The following GRIK2 variants were observed in gnomAD, a reference collection of about 807,000 sequenced individuals.
GRIK2 encodes the protein glutamate receptor ionotropic, kainate 2.
In GRIK2, 32 loss-of-function variants were observed where a neutral mutation model predicts 100.3. The observed-to-expected ratio is 0.32, with a 90% CI of 0.24 to 0.43. The LOEUF (loss-of-function observed/expected upper bound fraction) is 0.43. Among genes scored for constraint, GRIK2 ranks in the 20% least tolerant of loss-of-function variants. The pLI, the probability that GRIK2 is intolerant of heterozygous loss-of-function variation, is 1.00. For synonymous variants in GRIK2, 417 were observed against 389.4 expected, an observed-to-expected ratio of 1.07 and a Z score of -0.83; for missense variants, 843 against 1,114.9, an observed-to-expected ratio of 0.76 and a Z score of 3.47.
At chr6:101,834,317 T>C (rs1412952043) in intron 10 of GRIK2, among the ~76,000 whole-genome samples, 1 of 152,156 alleles carries the variant, frequency 6.6e-6, no homozygotes, top group Non-Finnish European at 1.5e-5. Context: ...TTTAGCCATT[T>C]TCTTCCTTCC....
At chr6:101,654,752 T>A (rs1275700144) in intron 4 of GRIK2, among the ~76,000 whole-genome samples, 1 of 152,130 alleles carries the variant, frequency 6.6e-6, no homozygotes, top group Non-Finnish European at 1.5e-5. Flanking sequence ...CCTGGGTTAT[T>A]GTTCCACTTT....
At chr6:101,495,315 C>T (rs1773381197) in intron 2 of GRIK2, among the ~76,000 whole-genome samples, 1 of 151,880 alleles carries the variant, frequency 6.6e-6, no homozygotes, top group African/African-American at 2.4e-5. Context: ...ACCATCCTGG[C>T]TAACATGGTG....
chr6:101,895,241 T>C (rs952004278), intron 12 of GRIK2, among the ~76,000 whole-genome samples: 2 of 151,736 alleles, frequency 1.3e-5, no homozygotes, highest in Non-Finnish European at 3.0e-5. Context: ...GTTAAAAGAA[T>C]ATAGGAATTT....
chr6:102,007,864 A>G (rs982979629), intron 14 of GRIK2, among the ~76,000 whole-genome samples: 2 of 152,046 alleles, frequency 1.3e-5, no homozygotes, highest in Admixed American at 6.6e-5. Context: ...GAATACCTCT[A>G]TCCTTCCTAA....
rs992370039 is a variant in GRIK2, at chr6:102,069,126, T to G, written c.*615T>G. On this transcript the variant is annotated 3_prime_UTR_variant, in exon 17 of 17. Coordinates refer to ENST00000369134, the MANE Select transcript of GRIK2 (RefSeq NM_021956.5). ...GATGTTCATCACTTATTTTCCTTTT[T>G]TCTTTTCTTATTTTTTTTTTTGACA... The G allele has an allele frequency of 6.7e-6, 1 of 150,134 alleles. No individual in the cohort carries two copies. The highest frequency in any genetic ancestry group is 1.5e-5 in the Non-Finnish European group (1 of 67,682). 9.3% of individuals were successfully genotyped at this position (150,134 alleles called of 1,614,324 possible).
intron 3 of GRIK2, among the ~76,000 whole-genome samples, chr6:101,622,870 G>A (rs1780229718): frequency 6.6e-6 from 1 of 151,972 alleles, no homozygotes; most frequent in South Asian, 2.1e-4. Context: ...TAACCAGACA[G>A]CTGTCAGTAG....
intron 2 of GRIK2, among the ~76,000 whole-genome samples, chr6:101,555,254 A>G (rs1264091273): frequency 6.6e-6 from 1 of 152,184 alleles, no homozygotes; most frequent in Non-Finnish European, 1.5e-5. Flanking sequence ...TCACACAGTA[A>G]CTGGGCTATG....
At chr6:101,447,608 G>T (rs748465597) in intron 2 of GRIK2, among the ~76,000 whole-genome samples, 9 of 151,594 alleles carry the variant, frequency 5.9e-5, no homozygotes, top group Non-Finnish European at 8.9e-5. Flanking sequence ...GTATGTCAGG[G>T]AACATTAGAA....
chr6:101,863,946 G>C (rs569223161), intron 11 of GRIK2, among the ~76,000 whole-genome samples: 35 of 151,568 alleles, frequency 2.3e-4, no homozygotes, highest in South Asian at 2.3e-3. Context: ...GACCATCCTG[G>C]CTAACAAGGT....
chr6:101,815,545 G>A (rs1781581290), intron 9 of GRIK2, among the ~76,000 whole-genome samples: 1 of 151,486 alleles, frequency 6.6e-6, no homozygotes, highest in Admixed American at 6.6e-5. Flanking sequence ...GGGCAAACCA[G>A]GATGTAGAGT....
intron 4 of GRIK2, among the ~76,000 whole-genome samples, chr6:101,661,910 C>T (rs1259455298): frequency 2.6e-5 from 4 of 152,106 alleles, no homozygotes; most frequent in Admixed American, 6.5e-5. Context: ...TGTTCCTATT[C>T]GGCCATCTTC....
At chr6:101,788,283 T>A (rs1779574476) in intron 7 of GRIK2, among the ~76,000 whole-genome samples, 1 of 152,058 alleles carries the variant, frequency 6.6e-6, no homozygotes, top group Non-Finnish European at 1.5e-5. Flanking sequence ...TATGTATACA[T>A]GTGCCATGCT....
At chr6:101,473,145 CTTCCTTCT>C (rs1429124496) in intron 2 of GRIK2, among the ~76,000 whole-genome samples, 4 of 101,506 alleles carry the variant, frequency 3.9e-5, no homozygotes, top group Middle Eastern at 5.3e-3. Context: ...TCCTTCCTTC[CTTCCTTCT>C]TTCCTTCCTT....
chr6:101,843,341 C>T (rs1450145780), intron 10 of GRIK2, among the ~76,000 whole-genome samples: 1 of 152,120 alleles, frequency 6.6e-6, no homozygotes, highest in Non-Finnish European at 1.5e-5. Flanking sequence ...ATCCCCCTGT[C>T]TTTCTTGCTC....
rs1392752891 is a variant in GRIK2 at position 101,399,264 on chromosome 6, G to A, written c.-14G>A. 1 of 1,284,636 alleles carries A rather than the reference G, an allele frequency of 7.8e-7. No homozygotes were observed. Among genetic ancestry groups the A allele is most frequent in the Non-Finnish European group, 1.1e-6 (1 of 878,934 alleles). 79.6% of individuals were successfully genotyped at this position (1,284,636 alleles called of 1,614,324 possible). On this transcript the variant is annotated 5_prime_UTR_variant, in exon 2 of 17. Coordinates refer to ENST00000369134, the MANE Select transcript of GRIK2 (RefSeq NM_021956.5). Reference sequence around the variant, plus strand: ...CGGGGAAGTGGGTGCCGTGCGTGTGGGCACAGAAACACCATGAAGATTATT... The same window carrying A: ...CGGGGAAGTGGGTGCCGTGCGTGTGAGCACAGAAACACCATGAAGATTATT...
chr6:101,599,760 G>C (rs1455656314), intron 2 of GRIK2, among the ~76,000 whole-genome samples: 10 of 151,070 alleles, frequency 6.6e-5, no homozygotes, highest in Admixed American at 2.0e-4. Flanking sequence ...GTTGTTTTTT[G>C]CTTGTTCAAT....
intron 14 of GRIK2, among the ~76,000 whole-genome samples, chr6:101,949,535 T>G (rs1358948189): frequency 6.6e-6 from 1 of 151,956 alleles, no homozygotes; most frequent in Non-Finnish European, 1.5e-5. Context: ...CCGGCCCCAG[T>G]GTGTGATGTT....
At chr6:102,018,100 C>G (rs1303068805) in intron 14 of GRIK2, among the ~76,000 whole-genome samples, 1 of 152,090 alleles carries the variant, frequency 6.6e-6, no homozygotes, top group East Asian at 1.9e-4. Flanking sequence ...TGTTGGAAGG[C>G]AGACATGAGG....
intron 7 of GRIK2, among the ~76,000 whole-genome samples, chr6:101,713,389 G>A (rs565594620): frequency 2.0e-5 from 3 of 151,446 alleles, no homozygotes; most frequent in African/African-American, 4.8e-5. Context: ...CAGGTAATTC[G>A]GTTCGTGAAG....
Sources: allele counts gnomAD v4.1 joint callset (sites outside exome capture counted in the v4.1 genomes callset), GRCh38; gene constraint gnomAD v4.1.1; transcripts MANE v1.5; gene names NCBI Gene and HGNC (gene_info 2026-07-23, HGNC 2026-07-21).